Variants in GLIS3 observed in about 807,000 individuals in gnomAD.
GLIS3 encodes the protein GLIS family zinc finger 3.
Under a neutral mutation model 78.6 loss-of-function variants are expected in GLIS3, and 53 were observed. The ratio of observed to expected loss-of-function variants is 0.67; its 90% CI spans 0.54 to 0.85. The LOEUF (loss-of-function observed/expected upper bound fraction) is 0.85. Ranked by LOEUF, GLIS3 falls within the 40% of genes least tolerant of loss-of-function variation. The pLI, the probability that GLIS3 is intolerant of heterozygous loss-of-function variation, is 0.00. For missense variants in GLIS3, 1,703 were observed against 1,231.1 expected (o/e 1.38, Z -5.74); for synonymous variants, 684 against 509.9 (o/e 1.34, Z -4.60).
intron 4 of GLIS3, among the ~76,000 whole-genome samples, chr9:3,950,705 G>A (rs1024331335): frequency 1.3e-5 from 2 of 152,186 alleles, no homozygotes; most frequent in African/African-American, 4.8e-5. Flanking sequence ...CTCATGGAAC[G>A]TGAGTCCGCT....
rs535988500 is a variant in GLIS3, at chr9:3,973,155, G to A, written c.1711-35966C>T. Among the ~76,000 whole-genome samples the A allele has an allele frequency of 2.0e-5, 3 of 152,280 alleles. No homozygotes were observed. The East Asian group carries it at 5.8e-4, about 29-fold the overall frequency. ...AGAGATGCATAGGGCAAGTCTGCTAGGGTTCCAAATGCAAATGCTGCCATT... is the reference window on the plus strand; with the variant it reads ...AGAGATGCATAGGGCAAGTCTGCTAAGGTTCCAAATGCAAATGCTGCCATT... On this transcript the variant is annotated intron_variant, in intron 4 of 10. Coordinates refer to ENST00000381971, the MANE Select transcript of GLIS3 (RefSeq NM_001042413.2).
the GLIS3 span, among the ~76,000 whole-genome samples, chr9:4,438,153 G>A: frequency 1.3e-5 from 2 of 152,102 alleles, no homozygotes; most frequent in Admixed American, 1.3e-4. Flanking sequence ...TAAATAAATG[G>A]CTTCTTTTGA....
chr9:4,197,270 C>T (rs1818951271), intron 2 of GLIS3, among the ~76,000 whole-genome samples: 1 of 152,182 alleles, frequency 6.6e-6, no homozygotes, highest in South Asian at 2.1e-4. Context: ...AGGGGGCCCT[C>T]TCCACTCCAT....
the GLIS3 span, among the ~76,000 whole-genome samples, chr9:4,403,611 C>G: frequency 6.6e-6 from 1 of 152,024 alleles, no homozygotes; most frequent in Non-Finnish European, 1.5e-5. Context: ...TTTCTTTTTG[C>G]ATGTTTATTT....
chr9:4,448,440 C>T, the GLIS3 span, among the ~76,000 whole-genome samples: 3 of 152,346 alleles, frequency 2.0e-5, no homozygotes, highest in Admixed American at 2.0e-4. Flanking sequence ...AGTTGAGCCA[C>T]TTCTCAAAGC....
intron 4 of GLIS3, among the ~76,000 whole-genome samples, chr9:4,038,053 C>T (rs545621016): frequency 6.6e-6 from 1 of 152,214 alleles, no homozygotes; most frequent in Admixed American, 6.5e-5. Flanking sequence ...TTAAGTGGAA[C>T]TTTAATGAGG....
intron 2 of GLIS3, among the ~76,000 whole-genome samples, chr9:4,201,908 G>C (rs1464293586): frequency 6.6e-6 from 1 of 152,128 alleles, no homozygotes. Context: ...GGCCGAGGCA[G>C]GAAGTTCACC....
intron 2 of GLIS3, among the ~76,000 whole-genome samples, chr9:4,327,351 G>A (rs1817616521): frequency 6.6e-6 from 1 of 152,110 alleles, no homozygotes; most frequent in Non-Finnish European, 1.5e-5. Flanking sequence ...GAAGAGGGAG[G>A]AGAGGAGGAT....
rs546137608 is a variant in GLIS3, at chr9:3,891,756, C to T, written c.2128+6935G>A. Among the ~76,000 whole-genome samples, 6 of 151,508 alleles carry T rather than the reference C, an allele frequency of 4.0e-5. No homozygotes were observed. In the South Asian group the frequency reaches 8.3e-4, roughly 21 times the overall value. ...CTTGCTTTTTGTATAGCTATGACTC[C>T]GAACTGCCTTAGTCCTCCAGAACTA... On this transcript the variant is annotated intron_variant, in intron 7 of 10. Transcript: ENST00000381971.
intron 8 of GLIS3, among the ~76,000 whole-genome samples, chr9:3,869,661 C>T (rs949407186): frequency 1.3e-5 from 2 of 152,156 alleles, no homozygotes; most frequent in African/African-American, 4.8e-5. Context: ...GACACTGGGA[C>T]CTGCCAATGA....
chr9:4,160,916 T>G (rs1216503590), intron 2 of GLIS3, among the ~76,000 whole-genome samples: 1 of 152,118 alleles, frequency 6.6e-6, no homozygotes, highest in Non-Finnish European at 1.5e-5. Context: ...CACTGCAGTC[T>G]AGAGGATACT....
At chr9:4,169,041 T>C (rs545493427) in intron 2 of GLIS3, among the ~76,000 whole-genome samples, 12 of 152,348 alleles carry the variant, frequency 7.9e-5, no homozygotes, top group Middle Eastern at 3.4e-3. Flanking sequence ...TCACAGATCA[T>C]CACCACCAGC....
At chr9:4,220,895 G>T (rs1171900040) in intron 2 of GLIS3, among the ~76,000 whole-genome samples, 1 of 152,142 alleles carries the variant, frequency 6.6e-6, no homozygotes, top group Non-Finnish European at 1.5e-5. Context: ...TGAGGTGGGA[G>T]GATCGCTTAA....
the GLIS3 span, among the ~76,000 whole-genome samples, chr9:4,471,325 T>A: frequency 6.6e-6 from 1 of 152,204 alleles, no homozygotes; most frequent in Non-Finnish European, 1.5e-5. Context: ...AGAACAAAGC[T>A]GGAGGCATCA....
chr9:4,118,445 G>C lies in GLIS3; in HGVS notation c.1033C>G (p.Pro345Ala). 1 of 1,612,890 alleles carries C rather than the reference G, an allele frequency of 6.2e-7. No individual in the cohort carries two copies. The highest frequency in any genetic ancestry group is 8.5e-7 in the Non-Finnish European group (1 of 1,180,034). The change falls in exon 4 of 11, where the codon CCG becomes GCG. Residue 345 changes from proline (P) to alanine (A), a missense_variant. Pro to Ala is a conservative substitution (Grantham distance 27). Transcript: ENST00000381971. The surrounding 1 kb of genome is among the most constrained non-coding windows in gnomAD (Gnocchi z 4.7). The stretch of plus-strand genomic sequence containing the variant: ...CCCAGGAAATGCCCGTAGACCTCCG[G>C]CTGCGGGGACAGGTTGGCCGGCGAA... ...RASPANLSPQPEVYGHFLGVR... is the reference protein window; with the variant it reads ...RASPANLSPQAEVYGHFLGVR...
chr9:4,135,412 G>T (rs1833330787), intron 2 of GLIS3, among the ~76,000 whole-genome samples: 1 of 152,074 alleles, frequency 6.6e-6, no homozygotes, highest in Non-Finnish European at 1.5e-5. Context: ...ATATGAGTAT[G>T]TATGTTCTAA....
chr9:3,987,776 AAAAAAAAAAAAAC>A (rs1819878489), intron 4 of GLIS3, among the ~76,000 whole-genome samples: 4 of 144,338 alleles, frequency 2.8e-5, no homozygotes, highest in Non-Finnish European at 6.1e-5. Flanking sequence ...AAAAAAAAAA[AAAAAAAAAAAAAC>A]AAAACACAAA....
chr9:4,124,619 T>C (rs956957573), intron 3 of GLIS3, among the ~76,000 whole-genome samples: 2 of 152,198 alleles, frequency 1.3e-5, no homozygotes, highest in Non-Finnish European at 2.9e-5. Flanking sequence ...AAAACAAGTT[T>C]CTATCTCATG....
Position 4,027,296 on chromosome 9 carries a change from C to G in GLIS3, c.1711-90107G>C, listed in dbSNP as rs140244691. Among the ~76,000 whole-genome samples, 26 of 152,310 alleles carry G rather than the reference C, an allele frequency of 1.7e-4. No individual in the cohort carries two copies. The East Asian group carries it at 4.6e-3, about 27-fold the overall frequency. On this transcript the variant is annotated intron_variant, in intron 4 of 10. Transcript: ENST00000381971. ...TCCATCCAACCAGGTCTTTAAGGCACAAGAAGACAATGTAATTCACAAACA... is the reference window on the plus strand; with the variant it reads ...TCCATCCAACCAGGTCTTTAAGGCAGAAGAAGACAATGTAATTCACAAACA...
Sources: allele counts gnomAD v4.1 joint callset (sites outside exome capture counted in the v4.1 genomes callset), GRCh38; gene constraint gnomAD v4.1.1; non-coding constraint Gnocchi (gnomAD v3.1); transcripts MANE v1.5; gene names NCBI Gene and HGNC (gene_info 2026-07-23, HGNC 2026-07-21).